Variants in FOXRED2 observed in about 807,000 individuals in gnomAD.
FOXRED2 encodes FAD dependent oxidoreductase domain containing 2.
FOXRED2 carries 32 observed loss-of-function variants against 52.5 expected under a neutral mutation model. That is an observed-to-expected ratio of 0.61 (90% confidence interval 0.46 to 0.82). FOXRED2 has a LOEUF of 0.82. Among genes scored for constraint, FOXRED2 ranks in the 40% least tolerant of loss-of-function variants. FOXRED2 has a pLI of 0.00. For synonymous variants in FOXRED2, 405 were observed against 398.1 expected, an observed-to-expected ratio of 1.02 and a Z score of -0.21; for missense variants, 848 against 937.5, an observed-to-expected ratio of 0.90 and a Z score of 1.25.
Position 36,501,421 on chromosome 22 carries a change from G to A in FOXRED2, c.1050-14C>T, listed in dbSNP as rs1486113499. 1 of 1,612,956 alleles carries A rather than the reference G, an allele frequency of 6.2e-7. No individual in the cohort carries two copies. Among genetic ancestry groups the A allele is most frequent in the Admixed American group, 1.7e-5 (1 of 59,930 alleles). ...AGTCTGAGGGACCTGTCAGTGGAAA[G>A]GGCTGTTCATGAAAATAGCTGCTAT... On this transcript the variant is annotated splice_polypyrimidine_tract_variant and intron_variant, in intron 4 of 8. Transcript: ENST00000397224.
chr22:36,503,592 T>A (rs1001628321), intron 4 of FOXRED2, among the ~76,000 whole-genome samples: 2 of 152,112 alleles, frequency 1.3e-5, no homozygotes, highest in Non-Finnish European at 2.9e-5. Flanking sequence ...ATTACAGGTG[T>A]GAGCCACCGC....
intron 4 of FOXRED2, among the ~76,000 whole-genome samples, chr22:36,503,630 T>C (rs755043524): frequency 6.6e-6 from 1 of 152,120 alleles, no homozygotes; most frequent in Non-Finnish European, 1.5e-5. Context: ...ATTCTTATGT[T>C]AATCCTCGCA....
Position 36,504,224 on chromosome 22 carries a change from T to C in FOXRED2, c.923A>G (p.Asn308Ser), listed in dbSNP as rs2277841. ...GATGGAGTCGGCACTCTGGTTGGTG[T>C]TGGCTTCTTCCAGGAAGAATTTCGG... is the stretch of plus-strand genomic sequence containing the variant. ...VTPKFFLEEA[N>S]TNQSADSITL... The change falls in exon 4 of 9, where the codon AAC becomes AGC. Residue 308 changes from asparagine to serine, a missense_variant. Physicochemically the swap from Asn to Ser is conservative, Grantham distance 46. Coordinates refer to ENST00000397224, the MANE Select transcript of FOXRED2 (RefSeq NM_001102371.2). 1,255,166 of 1,614,040 alleles carry C rather than the reference T, an allele frequency of 0.78. 498,459 individuals are homozygous for C. Among genetic ancestry groups the C allele is most frequent in the African/African-American group, 0.9 (67,298 of 75,026 alleles).
rs779079459 is a variant in FOXRED2, at chr22:36,504,691, G to C, written c.603C>G (p.Tyr201Ter). The change falls in exon 3 of 9, where the codon TAC becomes TAG. Residue 201 changes from tyrosine (Y) to a stop codon, truncating the protein, a stop_gained. Coordinates refer to ENST00000397224, the MANE Select transcript of FOXRED2 (RefSeq NM_001102371.2). LOFTEE classifies it high-confidence loss of function. ...DFPGSEYAEGYESVSVDPEDF... is the reference protein window; with the variant it reads ...DFPGSEYAEG Reference sequence around the variant, plus strand: ...CCTCAGGGTCCACGGACACGGACTCGTAACCCTCTGCATATTCGGAGCCAG... The same window carrying C: ...CCTCAGGGTCCACGGACACGGACTCCTAACCCTCTGCATATTCGGAGCCAG... The C allele has an allele frequency of 6.2e-6, 10 of 1,614,036 alleles. No individual in the cohort carries two copies. The African/African-American group carries it at 9.3e-5, about 15-fold the overall frequency.
intron 6 of FOXRED2, 84 bp downstream of exon 6, chr22:36,497,907 C>G: frequency 1.4e-6 from 2 of 1,461,204 alleles, no homozygotes; most frequent in Non-Finnish European, 1.9e-6. Context: ...CTGGGCACCT[C>G]ACACCTGGAA....
Position 36,506,009 on chromosome 22 carries a change from G to A in FOXRED2, c.414C>T (p.Leu138=). 1 of 1,614,260 alleles carries A rather than the reference G, an allele frequency of 6.2e-7. No homozygotes were observed. Among genetic ancestry groups the A allele is most frequent in the South Asian group, 1.1e-5 (1 of 91,092 alleles). ...CGATGGTGGTGTTGTACTGGACACG[G>A]AGCCCCAGCGTGTCCGCGAAGTCAC... The part of the protein sequence containing the change: ...YLGDFADTLG[L]RVQYNTTIAH... Residue 138 remains leucine (L), a synonymous_variant, in exon 2 of 9, where the codon CTC becomes CTT. Transcript: ENST00000397224.
In FOXRED2 at chr22:36,498,084, G is replaced by C. The variant is rs775756533; in HGVS notation, c.1289C>G (p.Thr430Arg). Residue 430 changes from threonine (T) to arginine (R), a missense_variant, in exon 6 of 9, where the codon ACA becomes AGA. By Grantham distance (71) the Thr-to-Arg change is moderately conservative. Transcript: ENST00000397224. Reference protein sequence around the residue: ...VTWPATELPITQLTSSIVRRV... With the variant: ...VTWPATELPIRQLTSSIVRRV... ...CCGCACGATGGAGCTGGTCAGCTGT[G>C]TGATGGGGAGCTCAGTGGCGGGCCA... The C allele has an allele frequency of 1.2e-5, 20 of 1,613,986 alleles. No individual in the cohort carries two copies. The highest frequency in any genetic ancestry group is 3.3e-5 in the South Asian group (3 of 91,084).
At chr22:36,493,061 C>T (rs903061468) in intron 8 of FOXRED2, among the ~76,000 whole-genome samples, 2 of 152,234 alleles carry the variant, frequency 1.3e-5, no homozygotes, top group Non-Finnish European at 2.9e-5. Context: ...TCTAAACAGG[C>T]CTCCCATCCT....
intron 8 of FOXRED2, among the ~76,000 whole-genome samples, 186 bp from the exon 9 acceptor site, chr22:36,490,453 A>G (rs1933727098): frequency 6.6e-6 from 1 of 152,234 alleles, no homozygotes; most frequent in Admixed American, 6.5e-5. Flanking sequence ...GTCATGAATC[A>G]TGACCCTCCA....
chr22:36,506,595 T>C (rs2145861251), intron 1 of FOXRED2, 172 bp from the exon 2 acceptor site: 1 of 587,670 alleles, frequency 1.7e-6, no homozygotes, highest in Non-Finnish European at 2.7e-6. Flanking sequence ...AAGCTGGGAC[T>C]TGGGGCTCCC....
chr22:36,497,723 C>T (rs148314474), intron 6 of FOXRED2, among the ~76,000 whole-genome samples: 10 of 152,310 alleles, frequency 6.6e-5, no homozygotes, highest in Non-Finnish European at 1.3e-4. Flanking sequence ...TTACTCCTTC[C>T]TTTACTGCTG....
chr22:36,489,967 G>A lies in FOXRED2; in HGVS notation c.*41C>T. The A allele has an allele frequency of 6.6e-7, 1 of 1,513,674 alleles. No individual in the cohort carries two copies. The highest frequency in any genetic ancestry group is 8.9e-7 in the Non-Finnish European group (1 of 1,128,358). The allele number at this position is 1,513,674 out of a possible 1,614,324, so 93.8% of individuals were successfully genotyped here. On this transcript the variant is annotated 3_prime_UTR_variant, in exon 9 of 9. Transcript: ENST00000397224. ...GAGGGACTGACCATGGGCCTAGGTG[G>A]GGAGGCCTGGCCACTGTGCCCACAG...
intron 5 of FOXRED2, among the ~76,000 whole-genome samples, chr22:36,499,883 C>T (rs1933998848): frequency 1.3e-5 from 2 of 152,106 alleles, no homozygotes; most frequent in Admixed American, 6.6e-5. Context: ...CTCACTGCAA[C>T]CTCCACCTCC....
chr22:36,501,092 C>A, intron 5 of FOXRED2, 149 bp downstream of exon 5: 1 of 826,796 alleles, frequency 1.2e-6, no homozygotes, highest in Non-Finnish European at 1.9e-6. Flanking sequence ...CCACAAAAAC[C>A]TGTTGTCACT....
At chr22:36,505,797 T>G in intron 2 of FOXRED2, 99 bp downstream of exon 2, 1 of 1,305,786 alleles carries the variant, frequency 7.7e-7, no homozygotes, top group Non-Finnish European at 1.1e-6. Flanking sequence ...GAAATACCCT[T>G]TTTCGTCCAT....
rs377036845 is a variant in FOXRED2, at chr22:36,501,418, A to G, written c.1050-11T>C. On this transcript the variant is annotated splice_polypyrimidine_tract_variant and intron_variant, in intron 4 of 8. Coordinates refer to ENST00000397224, the MANE Select transcript of FOXRED2 (RefSeq NM_001102371.2). ...TTAAGTCTGAGGGACCTGTCAGTGG[A>G]AAGGGCTGTTCATGAAAATAGCTGC... 6.2e-7 allele frequency: 1 copy of G among 1,613,502 alleles called. No homozygotes were observed. The highest frequency in any genetic ancestry group is 1.3e-5 in the African/African-American group (1 of 74,910).
At position 36,490,161 on chromosome 22, in the gene FOXRED2, G is replaced by A; in HGVS notation, c.1902C>T (p.His634=). 6.2e-7 allele frequency: 1 copy of A among 1,614,190 alleles called. No individual in the cohort carries two copies. Among genetic ancestry groups the A allele is most frequent in the South Asian group, 1.1e-5 (1 of 91,092 alleles). The change falls in exon 9 of 9, where the codon CAC becomes CAT. Residue 634 remains histidine, a synonymous_variant. Coordinates refer to ENST00000397224, the MANE Select transcript of FOXRED2 (RefSeq NM_001102371.2). ...CCCGCAGGAGCCTGCTCTCCACTCTGTGCTGCCAAAGGCTCTCGGTACTCA... is the reference window on the plus strand; with the variant it reads ...CCCGCAGGAGCCTGCTCTCCACTCTATGCTGCCAAAGGCTCTCGGTACTCA... ...GLVSTESLWQ[H]RVESRLLRDY...
Position 36,496,087 on chromosome 22 carries a change from T to A in FOXRED2, c.1504A>T (p.Asn502Tyr), listed in dbSNP as rs199503148. 22 of 1,614,212 alleles carry A rather than the reference T, an allele frequency of 1.4e-5. No homozygotes were observed. The East Asian group carries it at 4.5e-4, about 33-fold the overall frequency. ...ACGTCCTTGTCGGGGCCAGAGAAAT[T>A]TCTGCCATATTCCATGTTGATGACG... ...LFVINMEYGR[N>Y]FSGPDKDVFF... Residue 502 changes from asparagine (N) to tyrosine (Y), a missense_variant, in exon 7 of 9, where the codon AAT becomes TAT. Coordinates refer to ENST00000397224, the MANE Select transcript of FOXRED2 (RefSeq NM_001102371.2).
chr22:36,502,787 G>T (rs1279607084), intron 4 of FOXRED2, among the ~76,000 whole-genome samples: 4 of 152,262 alleles, frequency 2.6e-5, no homozygotes, highest in Admixed American at 1.3e-4. Context: ...CCACCTCCCA[G>T]GTTCAGGCGA....
Sources: gnomAD v4.1 joint callset for allele counts (sites outside exome capture counted in the v4.1 genomes callset) on GRCh38, gnomAD v4.1.1 for gene constraint, MANE v1.5 for transcripts, NCBI Gene and HGNC (gene_info 2026-07-23, HGNC 2026-07-21) for gene names.